CSGALNACT1: variants seen among roughly 807,000 people sequenced by gnomAD.
The protein encoded by CSGALNACT1 is chondroitin sulfate N-acetylgalactosaminyltransferase 1.
In CSGALNACT1, 52 loss-of-function variants were observed where a neutral mutation model predicts 51.0. The ratio of observed to expected loss-of-function variants is 1.02; its 90% CI spans 0.82 to 1.29. The LOEUF (loss-of-function observed/expected upper bound fraction) is 1.29. CSGALNACT1 is among the 50% of genes most tolerant of loss of function. The pLI is 0.00. For missense variants in CSGALNACT1, 935 were observed against 679.2 expected, an observed-to-expected ratio of 1.38 and a Z score of -4.19; for synonymous variants, 341 against 254.4, an observed-to-expected ratio of 1.34 and a Z score of -3.24.
intron 1 of CSGALNACT1, among the ~76,000 whole-genome samples, chr8:19,641,271 A>C (rs1254413789): frequency 6.6e-6 from 1 of 150,556 alleles, no homozygotes; most frequent in African/African-American, 2.4e-5. Flanking sequence ...CACAATCCCT[A>C]CCCGTCCTGG....
intron 3 of CSGALNACT1, among the ~76,000 whole-genome samples, chr8:19,544,328 A>T (rs2085976246): frequency 6.6e-6 from 1 of 152,240 alleles, no homozygotes; most frequent in African/African-American, 2.4e-5. Flanking sequence ...AATCTCTACT[A>T]TTTAAAAATA....
intron 8 of CSGALNACT1, among the ~76,000 whole-genome samples, chr8:19,409,686 G>A (rs1014771140): frequency 6.6e-6 from 1 of 152,118 alleles, no homozygotes; most frequent in Non-Finnish European, 1.5e-5. Context: ...GGTAGAGAGG[G>A]CAGCAGCAGG....
chr8:19,519,046 G>A (rs567734060), intron 3 of CSGALNACT1, among the ~76,000 whole-genome samples: 2 of 152,294 alleles, frequency 1.3e-5, no homozygotes, highest in South Asian at 4.1e-4. Context: ...GCCTTGACCA[G>A]GTACCAGCTG....
chr8:19,581,168 G>T (rs965172016), intron 3 of CSGALNACT1, among the ~76,000 whole-genome samples: 1 of 152,108 alleles, frequency 6.6e-6, no homozygotes, highest in African/African-American at 2.4e-5. Flanking sequence ...ACAATTAGGA[G>T]AAATATAAAT....
upstream of CSGALNACT1, among the ~76,000 whole-genome samples, chr8:19,605,223 G>C (rs976952330): frequency 6.6e-6 from 1 of 152,152 alleles, no homozygotes; most frequent in Admixed American, 6.5e-5. Flanking sequence ...ACATCCCTCT[G>C]TCTAAATTCT....
At chr8:19,641,092 C>A (rs562085651) in intron 1 of CSGALNACT1, among the ~76,000 whole-genome samples, 4 of 145,580 alleles carry the variant, frequency 2.7e-5, no homozygotes, top group Admixed American at 2.1e-4. Context: ...CCCAGGGATG[C>A]GGAATCTACC....
chr8:19,420,048 A>T (rs11997299), intron 7 of CSGALNACT1, among the ~76,000 whole-genome samples: 76 of 152,312 alleles, frequency 5.0e-4, no homozygotes, highest in African/African-American at 1.7e-3. Context: ...CTGCCATGAT[A>T]GACTTCCCTT....
At chr8:19,538,474 T>C (rs939310809) in intron 3 of CSGALNACT1, among the ~76,000 whole-genome samples, 14 of 152,140 alleles carry the variant, frequency 9.2e-5, no homozygotes, top group Admixed American at 2.0e-4. Flanking sequence ...ATACTTGTAA[T>C]TGGAATGAGA....
chr8:19,589,297 A>G (rs566356336), intron 3 of CSGALNACT1, among the ~76,000 whole-genome samples: 2 of 152,166 alleles, frequency 1.3e-5, no homozygotes, highest in South Asian at 4.1e-4. Flanking sequence ...TAATTTTTCA[A>G]CATGTCCCCC....
chr8:19,659,001 T>C (rs543747945), intron 1 of CSGALNACT1, among the ~76,000 whole-genome samples: 1 of 152,316 alleles, frequency 6.6e-6, no homozygotes, highest in African/African-American at 2.4e-5. Flanking sequence ...TAAATGTTTT[T>C]TTTCCCAGTC....
intron 2 of CSGALNACT1, among the ~76,000 whole-genome samples, chr8:19,592,931 T>C (rs565788283): frequency 1.3e-5 from 2 of 152,264 alleles, no homozygotes; most frequent in South Asian, 2.1e-4. Context: ...TTTTCTACTT[T>C]ACATTGGGTT....
intron 6 of CSGALNACT1, among the ~76,000 whole-genome samples, chr8:19,423,925 G>A (rs953367187): frequency 5.3e-5 from 8 of 152,146 alleles, no homozygotes; most frequent in Non-Finnish European, 7.4e-5. Context: ...CTCTGTCCAC[G>A]CACTGTTTCC....
intron 1 of CSGALNACT1, among the ~76,000 whole-genome samples, chr8:19,679,723 G>GT (rs1185236968): frequency 6.6e-6 from 1 of 152,170 alleles, no homozygotes; most frequent in Non-Finnish European, 1.5e-5. Flanking sequence ...CCACAAACAG[G>GT]TGCTGGTGCC....
At chr8:19,676,990 A>G (rs1206343362) in intron 1 of CSGALNACT1, among the ~76,000 whole-genome samples, 1 of 152,250 alleles carries the variant, frequency 6.6e-6, no homozygotes, top group Non-Finnish European at 1.5e-5. Flanking sequence ...GTAGAGGACT[A>G]GAGACAAAAG....
chr8:19,454,514 T>C (rs887790192), intron 5 of CSGALNACT1, among the ~76,000 whole-genome samples: 3 of 152,022 alleles, frequency 2.0e-5, no homozygotes, highest in Non-Finnish European at 2.9e-5. Context: ...CTACTAAAAA[T>C]ACAAAAATTA....
At chr8:19,697,885 G>A (rs911879410) in intron 1 of CSGALNACT1, among the ~76,000 whole-genome samples, 1 of 152,164 alleles carries the variant, frequency 6.6e-6, no homozygotes, top group African/African-American at 2.4e-5. Flanking sequence ...TGAGAAATAC[G>A]ACTGCAAAAG....
intron 3 of CSGALNACT1, among the ~76,000 whole-genome samples, chr8:19,584,535 T>C (rs1458835127): frequency 6.6e-6 from 1 of 152,250 alleles, no homozygotes; most frequent in Admixed American, 6.5e-5. Context: ...TCCAGGATAC[T>C]GTTTATGCCA....
intron 2 of CSGALNACT1, among the ~76,000 whole-genome samples, chr8:19,599,443 A>G (rs2049765410): frequency 7.1e-6 from 1 of 140,756 alleles, no homozygotes; most frequent in African/African-American, 2.8e-5. Flanking sequence ...GGAAGAAAGA[A>G]AAAGAAAAAG....
At chr8:19,478,595 C>T (rs1238218797) in intron 4 of CSGALNACT1, among the ~76,000 whole-genome samples, 1 of 152,028 alleles carries the variant, frequency 6.6e-6, no homozygotes, top group Non-Finnish European at 1.5e-5. Flanking sequence ...GTGATTCCTG[C>T]AAGGAGGTAA....
Sources: allele counts gnomAD v4.1 joint callset (sites outside exome capture counted in the v4.1 genomes callset), GRCh38; gene constraint gnomAD v4.1.1; transcripts MANE v1.5; gene names NCBI Gene and HGNC (gene_info 2026-07-23, HGNC 2026-07-21).